Variants in PCSK5 observed in about 807,000 individuals in gnomAD.
PCSK5 encodes proprotein convertase subtilisin/kexin type 5.
A neutral mutation model predicts 233.2 loss-of-function variants in PCSK5; 129 were observed. The observed-to-expected ratio is 0.55, with a 90% CI of 0.48 to 0.64. The LOEUF (loss-of-function observed/expected upper bound fraction) is 0.64. Ranked by LOEUF, PCSK5 falls within the 30% of genes least tolerant of loss-of-function variation. The probability of loss-of-function intolerance (pLI) is 0.00; values close to 1 mark genes in which losing one functional copy is unlikely to be tolerated. For missense variants in PCSK5, 2,076 were observed against 2,430.1 expected (o/e 0.85, Z 3.06); for synonymous variants, 825 against 879.2 (o/e 0.94, Z 1.09).
At chr9:75,939,242 G>T (rs1824193644) in intron 2 of PCSK5, among the ~76,000 whole-genome samples, 1 of 152,164 alleles carries the variant, frequency 6.6e-6, no homozygotes, top group African/African-American at 2.4e-5. Flanking sequence ...AAATAACAGA[G>T]ATTCACAGAC....
intron 21 of PCSK5, among the ~76,000 whole-genome samples, chr9:76,232,754 C>T (rs1243804209): frequency 6.6e-6 from 1 of 152,178 alleles, no homozygotes; most frequent in Non-Finnish European, 1.5e-5. Context: ...AAAATATTAA[C>T]AATGACATTA....
At chr9:76,116,542 T>C (rs1447836107) in intron 9 of PCSK5, among the ~76,000 whole-genome samples, 1 of 152,116 alleles carries the variant, frequency 6.6e-6, no homozygotes, top group African/African-American at 2.4e-5. Flanking sequence ...CTTGCCATTG[T>C]TCCCCCTTGA....
At chr9:76,340,741 C>T (rs4745537) in intron 35 of PCSK5, among the ~76,000 whole-genome samples, 58,954 of 150,958 alleles carry the variant, frequency 0.39, 12,053 homozygotes, top group East Asian at 0.75. Flanking sequence ...TTTATTGATC[C>T]TTCCTTTGTA....
intron 2 of PCSK5, among the ~76,000 whole-genome samples, chr9:75,940,850 G>A (rs1188988895): frequency 6.6e-6 from 1 of 152,148 alleles, no homozygotes; most frequent in Admixed American, 6.5e-5. Flanking sequence ...CCTGAACTTG[G>A]AGACAAAACC....
At chr9:76,219,189 G>A (rs1825641850) in intron 20 of PCSK5, among the ~76,000 whole-genome samples, 1 of 152,152 alleles carries the variant, frequency 6.6e-6, no homozygotes. Flanking sequence ...AAATGTTTGA[G>A]CACTTGAAGT....
chr9:76,027,628 T>A (rs1365361203), intron 5 of PCSK5, among the ~76,000 whole-genome samples: 1 of 142,116 alleles, frequency 7.0e-6, no homozygotes, highest in African/African-American at 2.6e-5. Context: ...TTTACTACTG[T>A]GGTTTTTAGT....
At chr9:75,894,284 A>C (rs1299253437) in intron 1 of PCSK5, among the ~76,000 whole-genome samples, 2 of 152,328 alleles carry the variant, frequency 1.3e-5, no homozygotes, top group African/African-American at 4.8e-5. Context: ...TCAGAATATC[A>C]ATGTAATGTT....
chr9:76,333,654 C>T (rs761316909), intron 34 of PCSK5, among the ~76,000 whole-genome samples: 11 of 152,286 alleles, frequency 7.2e-5, no homozygotes, highest in Admixed American at 3.3e-4. Context: ...TGATGATAGG[C>T]CTGTTGCTGA....
chr9:75,990,500 T>C (rs1301431729), intron 3 of PCSK5, among the ~76,000 whole-genome samples: 1 of 152,248 alleles, frequency 6.6e-6, no homozygotes, highest in African/African-American at 2.4e-5. Context: ...ACATACTGTG[T>C]TGAGATTTCT....
At chr9:76,259,153 G>A (rs1397572218) in intron 24 of PCSK5, among the ~76,000 whole-genome samples, 1 of 152,166 alleles carries the variant, frequency 6.6e-6, no homozygotes, top group Non-Finnish European at 1.5e-5. Context: ...CTTGATGACT[G>A]ACAGATGTGT....
intron 1 of PCSK5, among the ~76,000 whole-genome samples, chr9:75,912,076 GAAAGGAGA>G (rs1822764090): frequency 6.6e-6 from 1 of 151,768 alleles, no homozygotes; most frequent in African/African-American, 2.4e-5. Context: ...TAGAGAACAG[GAAAGGAGA>G]AAAGGAGAAG....
intron 9 of PCSK5, among the ~76,000 whole-genome samples, chr9:76,123,063 T>C (rs966016659): frequency 5.9e-5 from 9 of 151,942 alleles, no homozygotes; most frequent in African/African-American, 1.9e-4. Context: ...AGGCTGGTTT[T>C]GAACTCCTGA....
In PCSK5 at chr9:76,159,284, G is replaced by T. The variant is rs115403844; in HGVS notation, c.1619+113G>T. The T allele has an allele frequency of 2.7e-3, 2,352 of 866,334 alleles. 38 individuals are homozygous for T. The African/African-American group carries it at 0.031, about 11-fold the overall frequency. The allele number at this position is 866,334 out of a possible 1,614,324, so 53.7% of individuals were successfully genotyped here. On this transcript the variant is annotated intron_variant, in intron 12 of 37. Coordinates refer to ENST00000674117, the MANE Select transcript of PCSK5 (RefSeq NM_001372043.1). Reference sequence around the variant, plus strand: ...CCTAACCTGGGAACCAGCAGAGGGGGTGCTTAGATGTCAGGATCTCACTGC... The same window carrying T: ...CCTAACCTGGGAACCAGCAGAGGGGTTGCTTAGATGTCAGGATCTCACTGC...
intron 24 of PCSK5, among the ~76,000 whole-genome samples, chr9:76,245,792 G>A (rs975225042): frequency 1.3e-5 from 2 of 152,118 alleles, no homozygotes; most frequent in Non-Finnish European, 2.9e-5. Flanking sequence ...CTTGAAGGGG[G>A]TATTAAGAAG....
At chr9:76,338,518 T>G in intron 35 of PCSK5, 71 bp downstream of exon 35, 1 of 1,073,210 alleles carries the variant, frequency 9.3e-7, no homozygotes. Flanking sequence ...ATTTGCCCCT[T>G]TCTCTCTTCT....
rs1832018220 is a variant in PCSK5, at chr9:76,107,322, A to G, written c.1179A>G (p.Ala393=). Residue 393 remains alanine (A), a synonymous_variant, in exon 9 of 38, where the codon GCA becomes GCG. Transcript: ENST00000674117. ...TGTSASAPMA[A]GIIALALEAN... ...CGTCAGCCTCAGCCCCCATGGCTGC[A>G]GGCATCATTGCGCTGGCCCTGGAAG... is the stretch of plus-strand genomic sequence containing the variant. 1 of 1,613,630 alleles carries G rather than the reference A, an allele frequency of 6.2e-7. No individual in the cohort carries two copies.
intron 24 of PCSK5, among the ~76,000 whole-genome samples, chr9:76,274,919 G>C (rs540788380): frequency 6.6e-6 from 1 of 152,034 alleles, no homozygotes; most frequent in African/African-American, 2.4e-5. Context: ...GGGGGAGAAA[G>C]CAAGGGGAGG....
chr9:75,984,695 T>C (rs1826427709), intron 2 of PCSK5, among the ~76,000 whole-genome samples: 1 of 152,166 alleles, frequency 6.6e-6, no homozygotes, highest in Non-Finnish European at 1.5e-5. Flanking sequence ...CTTGGTAAAG[T>C]GTAAGTCCTT....
At chr9:76,119,539 C>A (rs907251986) in intron 9 of PCSK5, among the ~76,000 whole-genome samples, 6 of 151,818 alleles carry the variant, frequency 4.0e-5, no homozygotes, top group African/African-American at 7.3e-5. Context: ...ATTCATGGAC[C>A]CCAGATTAAA....
Sources: allele counts gnomAD v4.1 joint callset (sites outside exome capture counted in the v4.1 genomes callset), GRCh38; gene constraint gnomAD v4.1.1; transcripts MANE v1.5; gene names NCBI Gene and HGNC (gene_info 2026-07-23, HGNC 2026-07-21).